NAALAD2: variants seen among roughly 807,000 people sequenced by gnomAD.
NAALAD2 encodes N-acetylated alpha-linked acidic dipeptidase 2.
In NAALAD2, 89 loss-of-function variants were observed where a neutral mutation model predicts 95.6. The ratio of observed to expected loss-of-function variants is 0.93; its 90% CI spans 0.78 to 1.11. The LOEUF is 1.11. Ranked by LOEUF, NAALAD2 falls within the 50% of genes least tolerant of loss-of-function variation. NAALAD2 has a pLI of 0.00. For synonymous variants in NAALAD2, 264 were observed against 294.4 expected, an observed-to-expected ratio of 0.90 and a Z score of 1.06; for missense variants, 894 against 872.4, an observed-to-expected ratio of 1.02 and a Z score of -0.31.
intron 6 of NAALAD2, among the ~76,000 whole-genome samples, chr11:90,154,984 A>G (rs1405929717): frequency 1.2e-5 from 1 of 85,656 alleles, no homozygotes; most frequent in African/African-American, 5.1e-5. Flanking sequence ...TTATATACGT[A>G]TACATAATAT....
chr11:90,159,422 T>C (rs895871951), intron 8 of NAALAD2, 85 bp downstream of exon 8: 4 of 959,296 alleles, frequency 4.2e-6, no homozygotes, highest in Non-Finnish European at 6.4e-6. Context: ...CCAGGGGTAT[T>C]TTGCTTATCT....
At position 90,177,949 on chromosome 11, in the gene NAALAD2, C is replaced by G. The variant is rs779671888; in HGVS notation, c.1690C>G (p.Leu564Val). ...TTATGACCCCACATTTAAAAAACAA[C>G]TTTCTGTGGCTCAATTACGAGGAGC... is the stretch of plus-strand genomic sequence containing the variant. ...KFYDPTFKKQ[L>V]SVAQLRGALV... The change falls in exon 16 of 19, where the codon CTT (leucine) becomes GTT (valine). Residue 564 changes from leucine (L) to valine (V), a missense_variant. Coordinates refer to ENST00000534061, the MANE Select transcript of NAALAD2 (RefSeq NM_005467.4). 5.0e-6 allele frequency: 8 copies of G among 1,613,690 alleles called. No homozygotes were observed. In the South Asian group the frequency reaches 8.8e-5, roughly 18 times the overall value.
intron 11 of NAALAD2, 82 bp downstream of exon 11, chr11:90,163,699 A>G: frequency 8.3e-7 from 1 of 1,206,538 alleles, no homozygotes; most frequent in Non-Finnish European, 1.2e-6. Context: ...GATCAAAAAT[A>G]TATTCCATTA....
chr11:90,134,675 C>T lies in NAALAD2; in HGVS notation c.-84C>T, dbSNP rs1299615980. On this transcript the variant is annotated 5_prime_UTR_variant, in exon 1 of 19. Coordinates refer to ENST00000534061, the MANE Select transcript of NAALAD2 (RefSeq NM_005467.4). ...GCGGAGGCCACCCAGAGCTCACAGC[C>T]TCCTGCCAGCGCGCTCTCTGTTTCT... The T allele has an allele frequency of 3.6e-6, 5 of 1,391,372 alleles. No homozygotes were observed. In the Admixed American group the frequency reaches 6.9e-5, roughly 19 times the overall value. 86.2% of individuals were successfully genotyped at this position (1,391,372 alleles called of 1,614,324 possible).
Position 90,155,472 on chromosome 11 carries a change from A to G in NAALAD2, c.797-2673A>G, listed in dbSNP as rs1315412477. 3.7e-5 allele frequency among the ~76,000 whole-genome samples: 4 copies of G among 109,538 alleles called. No individual in the cohort carries two copies. In the East Asian group the frequency reaches 1.0e-3, roughly 28 times the overall value. 71.9% of individuals were successfully genotyped at this position (109,538 alleles called of 152,430 possible). A position where few individuals can be genotyped will look rare whatever the true frequency, so the allele number is the denominator to read the frequency against. On this transcript the variant is annotated intron_variant, in intron 6 of 18. Coordinates refer to ENST00000534061, the MANE Select transcript of NAALAD2 (RefSeq NM_005467.4). ...ATATGTAATATGTAATATTACATATACATGTATATATTATATATAATATAT... is the reference window on the plus strand; with the variant it reads ...ATATGTAATATGTAATATTACATATGCATGTATATATTATATATAATATAT...
At chr11:90,167,389 G>A (rs1418242251) in intron 11 of NAALAD2, among the ~76,000 whole-genome samples, 1 of 152,198 alleles carries the variant, frequency 6.6e-6, no homozygotes. Context: ...CGCAGGGCAG[G>A]GCTTCCGACC....
At chr11:90,140,885 C>T (rs1335085580) in intron 2 of NAALAD2, among the ~76,000 whole-genome samples, 1 of 152,088 alleles carries the variant, frequency 6.6e-6, no homozygotes, top group African/African-American at 2.4e-5. Context: ...TTATTTTGTG[C>T]ATAAAGGTGT....
intron 16 of NAALAD2, among the ~76,000 whole-genome samples, chr11:90,179,666 GT>G (rs1952904881): frequency 6.6e-6 from 1 of 152,242 alleles, no homozygotes; most frequent in African/African-American, 2.4e-5. Context: ...GACATTGGTA[GT>G]TCTGTGGCTA....
At chr11:90,143,264 T>C (rs1359779483) in intron 2 of NAALAD2, among the ~76,000 whole-genome samples, 1 of 152,120 alleles carries the variant, frequency 6.6e-6, no homozygotes, top group Admixed American at 6.6e-5. Context: ...TCCTGTAATG[T>C]GGAGTCTGAT....
intron 15 of NAALAD2, among the ~76,000 whole-genome samples, chr11:90,177,586 G>GTTTTGT (rs1952833043): frequency 1.1e-4 from 3 of 28,464 alleles, no homozygotes; most frequent in African/African-American, 4.1e-4. Context: ...TCTTTTTCTT[G>GTTTTGT]TTTTTTTTTT....
At chr11:90,134,635 G>A, upstream of NAALAD2, 4 of 840,362 alleles carry the variant, frequency 4.8e-6, no homozygotes, top group Non-Finnish European at 7.8e-6. Context: ...CGGAGGCGTG[G>A]CCTTGCGAAG....
At chr11:90,183,110 T>A in intron 18 of NAALAD2, 102 bp downstream of exon 18, 1 of 753,144 alleles carries the variant, frequency 1.3e-6, no homozygotes, top group African/African-American at 1.7e-5. Context: ...GGCAAATATG[T>A]ACACTCTAGG....
In NAALAD2 at chr11:90,147,336, T is replaced by C. The variant is rs750070513; in HGVS notation, c.201T>C (p.Phe67=). Residue 67 remains phenylalanine (F), a synonymous_variant, in exon 3 of 19, where the codon TTT becomes TTC. Transcript: ENST00000534061. ...TGTTTTATTTTCATTTTAGTTCTTT[T>C]ACAAAGCTTCCTCATCTGGCAGGAA... The part of the protein sequence containing the change: ...AENIKSFLRS[F]TKLPHLAGTE... 2 of 1,612,518 alleles carry C rather than the reference T, an allele frequency of 1.2e-6. No individual in the cohort carries two copies. Among genetic ancestry groups the C allele is most frequent in the South Asian group, 2.2e-5 (2 of 90,994 alleles).
At chr11:90,159,806 C>G (rs527810898) in intron 8 of NAALAD2, among the ~76,000 whole-genome samples, 2 of 151,476 alleles carry the variant, frequency 1.3e-5, no homozygotes, top group Non-Finnish European at 1.5e-5. Flanking sequence ...CAAAAATTAG[C>G]CAGGTGTGAT....
In NAALAD2 at chr11:90,172,643, T is replaced by G. The variant is rs187100520; in HGVS notation, c.1411-1181T>G. ...ACTTTGATATTTTCTTTTAAACTGC[T>G]TATTATAATTTTGTATTACAAAATT... On this transcript the variant is annotated intron_variant, in intron 13 of 18. Coordinates refer to ENST00000534061, the MANE Select transcript of NAALAD2 (RefSeq NM_005467.4). 4.6e-4 allele frequency among the ~76,000 whole-genome samples: 70 copies of G among 152,336 alleles called. No homozygotes were observed. The South Asian group carries it at 9.1e-3, about 20-fold the overall frequency.
At chr11:90,156,048 C>G (rs77933731) in intron 6 of NAALAD2, among the ~76,000 whole-genome samples, 6,578 of 151,196 alleles carry the variant, frequency 0.044, 482 homozygotes, top group African/African-American at 0.15. Flanking sequence ...TATTTTTGTA[C>G]TATTCTTCTG....
chr11:90,170,565 G>A (rs1952604103), intron 13 of NAALAD2, among the ~76,000 whole-genome samples: 1 of 152,214 alleles, frequency 6.6e-6, no homozygotes, highest in Non-Finnish European at 1.5e-5. Context: ...CAAGGTCACT[G>A]AATTCGAAGA....
rs558385480 is a variant in NAALAD2 at position 90,155,835 on chromosome 11, AAT to A, written c.797-2303_797-2302del. Among the ~76,000 whole-genome samples, 1,030 of 105,248 alleles carry A rather than the reference AAT, an allele frequency of 9.8e-3. 15 individuals carry two copies. The highest frequency in any genetic ancestry group is 0.041 in the African/African-American group (932 of 22,754). 69.0% of individuals were successfully genotyped at this position (105,248 alleles called of 152,430 possible). A position where few individuals can be genotyped will look rare whatever the true frequency, so the allele number is the denominator to read the frequency against. ...TATATAATATATATGTAATATATGT[AAT>A]ATATATGTTATATATATTATATTAT... On this transcript the variant is annotated intron_variant, in intron 6 of 18. Coordinates refer to ENST00000534061, the MANE Select transcript of NAALAD2 (RefSeq NM_005467.4).
At chr11:90,148,981 C>T (rs770661361) in intron 3 of NAALAD2, 25 bp from the exon 4 acceptor site, 12 of 1,421,934 alleles carry the variant, frequency 8.4e-6, no homozygotes, top group African/African-American at 4.3e-5. Flanking sequence ...ATTTTTCTAA[C>T]TTGACATATT....
Sources: allele counts gnomAD v4.1 joint callset (sites outside exome capture counted in the v4.1 genomes callset), GRCh38; gene constraint gnomAD v4.1.1; transcripts MANE v1.5; gene names NCBI Gene and HGNC (gene_info 2026-07-23, HGNC 2026-07-21).